P2RY8: variants seen among roughly 807,000 people sequenced by gnomAD.
P2RY8 encodes the protein S-geranylgeranyl-glutathione receptor P2RY8.
A neutral mutation model predicts 10.0 loss-of-function variants in P2RY8; 6 were observed. That is an observed-to-expected ratio of 0.60 (90% CI 0.33 to 1.19). The LOEUF (loss-of-function observed/expected upper bound fraction) is 1.19, where lower values mean the gene tolerates loss of function less well. P2RY8 is among the 50% of genes most tolerant of loss of function. The pLI is 0.04. For synonymous variants in P2RY8, 276 were observed against 252.5 expected (o/e 1.09, Z -0.88); for missense variants, 456 against 542.0 (o/e 0.84, Z 1.58).
Position 1,509,532 on chromosome X carries a change from C to T in P2RY8, c.-25+27389G>A, listed in dbSNP as rs1483396345. Among the ~76,000 whole-genome samples the T allele has an allele frequency of 2.1e-5, 3 of 140,716 alleles. 1 individual carries two copies. Among genetic ancestry groups the T allele is most frequent in the Non-Finnish European group, 4.6e-5 (3 of 65,906 alleles). 92.3% of individuals were successfully genotyped at this position (140,716 alleles called of 152,430 possible). On this transcript the variant is annotated intron_variant, in intron 1 of 1. Transcript: ENST00000381297. The stretch of plus-strand genomic sequence containing the variant: ...CCATCCATTCATCCATCCATCCATC[C>T]ATCCATCCATCCATCTATTCTATCA...
At chrX:1,522,816 C>T in intron 1 of P2RY8, among the ~76,000 whole-genome samples, 1 of 151,158 alleles carries the variant, frequency 6.6e-6, no homozygotes, top group Admixed American at 6.6e-5. Context: ...CACCTGTTAT[C>T]GCAGCACTTT....
In P2RY8 at chrX:1,466,477, C is replaced by T; in HGVS notation, c.82G>A (p.Val28Met). ...RNPAIAVALP[V>M]VYSLVAAVSI... is the part of the protein sequence containing the mutation. The stretch of plus-strand genomic sequence containing the variant: ...ACCGCCGCCACCAGCGAGTACACCA[C>T]GGGCAGGGCCACCGCGATCGCCGGG... Residue 28 changes from valine to methionine, a missense_variant, in exon 2 of 2, where the codon GTG becomes ATG. By Grantham distance (21) the Val-to-Met change is conservative. Transcript: ENST00000381297. The T allele has an allele frequency of 6.2e-7, 1 of 1,611,934 alleles. No homozygotes were observed. The highest frequency in any genetic ancestry group is 8.5e-7 in the Non-Finnish European group (1 of 1,179,814).
intron 1 of P2RY8, among the ~76,000 whole-genome samples, chrX:1,510,453 C>T (rs1189636479): frequency 6.6e-6 from 1 of 152,198 alleles, no homozygotes; most frequent in Non-Finnish European, 1.5e-5. Context: ...CCTGCTCCAC[C>T]AGCCATAACT....
At chrX:1,510,530 C>G (rs774247093) in intron 1 of P2RY8, among the ~76,000 whole-genome samples, 1 of 152,252 alleles carries the variant, frequency 6.6e-6, no homozygotes, top group African/African-American at 2.4e-5. Context: ...TGACAATGGG[C>G]TGGTTCTGGA....
At chrX:1,477,104 A>G (rs1327463727) in intron 1 of P2RY8, among the ~76,000 whole-genome samples, 2 of 151,926 alleles carry the variant, frequency 1.3e-5, no homozygotes, top group African/African-American at 2.4e-5. Context: ...CAGGAGAAGC[A>G]CTTGGACCTG....
chrX:1,508,423 G>A (rs2092254556), intron 1 of P2RY8, among the ~76,000 whole-genome samples: 1 of 152,124 alleles, frequency 6.6e-6, no homozygotes, highest in Non-Finnish European at 1.5e-5. Context: ...CCCTGCCACA[G>A]AGTGTCATCC....
At chrX:1,508,405 C>CGT in intron 1 of P2RY8, among the ~76,000 whole-genome samples, 1 of 152,264 alleles carries the variant, frequency 6.6e-6, no homozygotes, top group Non-Finnish European at 1.5e-5. Flanking sequence ...CTACACTGCA[C>CGT]GGGACGGCCC....
intron 1 of P2RY8, among the ~76,000 whole-genome samples, chrX:1,491,340 G>T (rs1297485803): frequency 6.6e-6 from 1 of 152,190 alleles, no homozygotes; most frequent in East Asian, 1.9e-4. Flanking sequence ...GACATCCGGG[G>T]ATTCCCCACA....
At chrX:1,471,948 C>G (rs1411066677) in intron 1 of P2RY8, among the ~76,000 whole-genome samples, 6 of 152,160 alleles carry the variant, frequency 3.9e-5, no homozygotes, top group African/African-American at 1.4e-4. Context: ...GTCGTCTGCT[C>G]TCCTTTCTGT....
chrX:1,527,215 A>T (rs111548984), intron 1 of P2RY8, among the ~76,000 whole-genome samples: 4,261 of 151,946 alleles, frequency 0.028, 211 homozygotes, highest in African/African-American at 0.098. Context: ...TTTCTTATCC[A>T]TCCACCTACC....
chrX:1,466,575 C>T lies in P2RY8; in HGVS notation c.-17G>A. The T allele has an allele frequency of 6.3e-7, 1 of 1,594,674 alleles. No homozygotes were observed. On this transcript the variant is annotated 5_prime_UTR_variant, in exon 2 of 2. Coordinates refer to ENST00000381297, the MANE Select transcript of P2RY8 (RefSeq NM_178129.5). Reference sequence around the variant, plus strand: ...GACCTGCATCCTGGAGGGGTCCTCGCCCGGGCTCTGCAAGGGAAGGAGGGA... The same window carrying T: ...GACCTGCATCCTGGAGGGGTCCTCGTCCGGGCTCTGCAAGGGAAGGAGGGA...
In P2RY8 at chrX:1,464,550, C is replaced by A. The variant is rs4933152; in HGVS notation, c.*929G>T. ...GAATGGGCAGGAGGTGGGGAACTCC[C>A]GAATCAAGCTGCACCCTTGTGTTGG... is the stretch of plus-strand genomic sequence containing the variant. On this transcript the variant is annotated 3_prime_UTR_variant, in exon 2 of 2. Coordinates refer to ENST00000381297, the MANE Select transcript of P2RY8 (RefSeq NM_178129.5). The A allele has an allele frequency of 3.0e-5, 7 of 233,250 alleles. No individual in the cohort carries two copies. The highest frequency in any genetic ancestry group is 5.1e-5 in the Non-Finnish European group (6 of 118,184). 14.4% of individuals were successfully genotyped at this position (233,250 alleles called of 1,614,324 possible).
At position 1,463,404 on chromosome X, in the gene P2RY8, G is replaced by A; in HGVS notation, c.*2075C>T. On this transcript the variant is annotated 3_prime_UTR_variant, in exon 2 of 2. Transcript: ENST00000381297. ...ATCCTTCCTGCCTCTCCCAGCTCCT[G>A]GGGGCTCCAGGTGTCCCTGGGCTTG... The A allele has an allele frequency of 4.3e-6, 1 of 232,486 alleles. No homozygotes were observed. Among genetic ancestry groups the A allele is most frequent in the Non-Finnish European group, 8.5e-6 (1 of 117,638 alleles). 14.4% of individuals were successfully genotyped at this position (232,486 alleles called of 1,614,324 possible).
At chrX:1,497,744 G>A (rs754913251) in intron 1 of P2RY8, among the ~76,000 whole-genome samples, 165 of 152,202 alleles carry the variant, frequency 1.1e-3, no homozygotes, top group Non-Finnish European at 9.4e-4. Context: ...AGAAGGTACC[G>A]GACTTGCTGA....
At chrX:1,512,984 T>A (rs1264968989) in intron 1 of P2RY8, among the ~76,000 whole-genome samples, 8 of 152,116 alleles carry the variant, frequency 5.3e-5, no homozygotes, top group African/African-American at 1.9e-4. Context: ...AAGCCCCACA[T>A]GCATTGGGTA....
At chrX:1,519,108 C>T (rs2092372624) in intron 1 of P2RY8, among the ~76,000 whole-genome samples, 1 of 151,684 alleles carries the variant, frequency 6.6e-6, no homozygotes, top group African/African-American at 2.4e-5. Flanking sequence ...AATATTCTCT[C>T]TGATCCCCAA....
chrX:1,523,078 AAAATAAATAAAT>A (rs527900056), intron 1 of P2RY8, among the ~76,000 whole-genome samples: 1,724 of 134,840 alleles, frequency 0.013, 31 homozygotes, highest in African/African-American at 0.045. Flanking sequence ...CCCACTGCCA[AAAATAAATAAAT>A]AAATAAATAA....
At chrX:1,477,533 C>T (rs181431413) in intron 1 of P2RY8, among the ~76,000 whole-genome samples, 5 of 130,526 alleles carry the variant, frequency 3.8e-5, no homozygotes, top group Admixed American at 1.5e-4. Flanking sequence ...CTAACAATCA[C>T]ATATACGTGT....
chrX:1,506,365 A>G (rs1215044776), intron 1 of P2RY8, among the ~76,000 whole-genome samples: 1 of 152,150 alleles, frequency 6.6e-6, no homozygotes, highest in Non-Finnish European at 1.5e-5. Flanking sequence ...CTAATTGGGT[A>G]GACAAAAGAA....
Sources: allele counts gnomAD v4.1 joint callset (sites outside exome capture counted in the v4.1 genomes callset), GRCh38; gene constraint gnomAD v4.1.1; transcripts MANE v1.5; gene names NCBI Gene and HGNC (gene_info 2026-07-23, HGNC 2026-07-21).